Variants in PDS5A observed in about 807,000 individuals in gnomAD.
PDS5A encodes the protein PDS5 cohesin associated factor A, also known as sister chromatid cohesion protein PDS5 homolog A.
Under a neutral mutation model 167.1 loss-of-function variants are expected in PDS5A, and 42 were observed. That is an observed-to-expected ratio of 0.25 (90% CI 0.20 to 0.33). The LOEUF (loss-of-function observed/expected upper bound fraction) is 0.33. Ranked by LOEUF, PDS5A falls within the 10% of genes least tolerant of loss-of-function variation. The probability of loss-of-function intolerance (pLI) is 1.00; values close to 1 mark genes in which losing one functional copy is unlikely to be tolerated. For synonymous variants in PDS5A, 553 were observed against 554.6 expected (o/e 1.00, Z 0.04); for missense variants, 1,033 against 1,605.9 (o/e 0.64, Z 6.10).
At chr4:39,843,936 G>A (rs1251832898) in intron 30 of PDS5A, among the ~76,000 whole-genome samples, 1 of 151,954 alleles carries the variant, frequency 6.6e-6, no homozygotes, top group African/African-American at 2.4e-5. Context: ...CTTGAGCCCA[G>A]GAGATCGAGC....
chr4:39,858,547 T>C (rs1295994209), intron 26 of PDS5A, among the ~76,000 whole-genome samples: 1 of 152,202 alleles, frequency 6.6e-6, no homozygotes, highest in Non-Finnish European at 1.5e-5. Context: ...TTATACCACA[T>C]GCAACAATTA....
In PDS5A at chr4:39,855,645, T is replaced by C. The variant is rs151252132; in HGVS notation, c.3087-5993A>G. Among the ~76,000 whole-genome samples, 797 of 152,102 alleles carry C rather than the reference T, an allele frequency of 5.2e-3. 21 individuals are homozygous for C. The highest frequency in any genetic ancestry group is 0.036 in the East Asian group (184 of 5,164). On this transcript the variant is annotated intron_variant, in intron 26 of 32. Transcript: ENST00000303538. The stretch of plus-strand genomic sequence containing the variant: ...AATACTGATAAAGAGACAGAAATAA[T>C]TAAAAGGAACCAAGTAGGAATTCCA...
chr4:39,873,607 T>TA (rs35583455), intron 20 of PDS5A, among the ~76,000 whole-genome samples: 44,784 of 151,694 alleles, frequency 0.3, 7,015 homozygotes, highest in Middle Eastern at 0.42. Context: ...TCATTATATG[T>TA]AAAAAAAAGG....
chr4:39,890,159 CA>C, intron 17 of PDS5A, 89 bp downstream of exon 17: 1 of 674,656 alleles, frequency 1.5e-6, no homozygotes, highest in East Asian at 2.7e-5. Flanking sequence ...CAGAGGTTTT[CA>C]GGTATCTTTA....
Position 39,882,915 on chromosome 4 carries a change from T to C in PDS5A, c.1887-3082A>G, listed in dbSNP as rs532369520. 4.9e-4 allele frequency among the ~76,000 whole-genome samples: 75 copies of C among 152,270 alleles called. No homozygotes were observed. In the South Asian group the frequency reaches 8.1e-3, roughly 16 times the overall value. ...TATGCTATACAACCACTGTTACAAA[T>C]CTTCACCATTCTAAACGAAGTCTAA... is the stretch of plus-strand genomic sequence containing the variant. On this transcript the variant is annotated intron_variant, in intron 17 of 32. Transcript: ENST00000303538.
At chr4:39,963,314 C>A (rs1729669511) in intron 2 of PDS5A, among the ~76,000 whole-genome samples, 1 of 151,888 alleles carries the variant, frequency 6.6e-6, no homozygotes, top group Non-Finnish European at 1.5e-5. Flanking sequence ...AAAAATTTAG[C>A]CGGGCATGGT....
Position 39,977,435 on chromosome 4 carries a change from G to T in PDS5A, c.-41+22C>A. On this transcript the variant is annotated intron_variant, in intron 1 of 32. Transcript: ENST00000303538. This position sits in a 1 kb window ranked among gnomAD's most constrained non-coding sequence, Gnocchi z 4.2. ...CTCCCTCCAGCAGCCTAGGGCGGGA[G>T]CCGAGCCGCCGCCGCCTTTACCTCC... 6.5e-6 allele frequency: 1 copy of T among 153,604 alleles called. No individual in the cohort carries two copies. The highest frequency in any genetic ancestry group is 1.5e-5 in the Non-Finnish European group (1 of 68,830). 9.5% of individuals were successfully genotyped at this position (153,604 alleles called of 1,614,324 possible). A position where few individuals can be genotyped will look rare whatever the true frequency, so the allele number is the denominator to read the frequency against.
chr4:39,913,662 T>C lies in PDS5A; in HGVS notation c.941A>G (p.Asp314Gly). Residue 314 changes from aspartate (D) to glycine (G), a missense_variant, in exon 9 of 33, where the codon GAT becomes GGT. Physicochemically the swap from Asp to Gly is moderately conservative, Grantham distance 94. Coordinates refer to ENST00000303538, the MANE Select transcript of PDS5A (RefSeq NM_001100399.2). ...RLLAKLFGSK[D>G]SDLATQNRPL... ...ACGATTCTGTGTTGCCAAATCAGAA[T>C]CTTTGGAGCCAAACAATTTAGCTAG... 3.1e-6 allele frequency: 5 copies of C among 1,612,312 alleles called. No homozygotes were observed. The highest frequency in any genetic ancestry group is 4.2e-6 in the Non-Finnish European group (5 of 1,178,430).
chr4:39,827,975 T>C lies in PDS5A; in HGVS notation c.4011-2487A>G, dbSNP rs914766901. On this transcript the variant is annotated intron_variant, in intron 32 of 32. Transcript: ENST00000303538. ...CGGGAACTGTTTGCCCTCTGAATGA[T>C]AGCCTTAACACAAAGAGGAAAAACA... Among the ~76,000 whole-genome samples the C allele has an allele frequency of 3.0e-4, 46 of 152,198 alleles. 1 individual carries two copies. The highest frequency in any genetic ancestry group is 1.9e-4 in the East Asian group (1 of 5,204).
At chr4:39,903,737 T>C (rs1387941741) in intron 12 of PDS5A, among the ~76,000 whole-genome samples, 1 of 152,168 alleles carries the variant, frequency 6.6e-6, no homozygotes, top group Non-Finnish European at 1.5e-5. Context: ...AATGAACCTA[T>C]GTAAGAATAC....
intron 31 of PDS5A, among the ~76,000 whole-genome samples, chr4:39,839,016 A>G (rs1335680648): frequency 6.6e-6 from 1 of 152,128 alleles, no homozygotes; most frequent in Non-Finnish European, 1.5e-5. Flanking sequence ...AATAATAAAA[A>G]TATAAAGCAC....
intron 2 of PDS5A, among the ~76,000 whole-genome samples, chr4:39,952,117 T>G (rs1578812522): frequency 6.6e-6 from 1 of 151,436 alleles, no homozygotes; most frequent in Admixed American, 6.6e-5. Flanking sequence ...ATTACCTGAG[T>G]TCAGGAGTTC....
In PDS5A at chr4:39,823,979, A is replaced by T. The variant is rs945515697; in HGVS notation, c.*1506T>A. The stretch of plus-strand genomic sequence containing the variant: ...CCCATGTACACTACAGCCTATCAAG[A>T]CGAAGTTATAACACAAATGTTGTTT... On this transcript the variant is annotated 3_prime_UTR_variant, in exon 33 of 33. Coordinates refer to ENST00000303538, the MANE Select transcript of PDS5A (RefSeq NM_001100399.2). 5.3e-5 allele frequency: 8 copies of T among 152,304 alleles called. No individual in the cohort carries two copies. In the Middle Eastern group the frequency reaches 0.01, roughly 193 times the overall value. 9.4% of individuals were successfully genotyped at this position (152,304 alleles called of 1,614,324 possible).
chr4:39,863,147 G>T, intron 24 of PDS5A, 74 bp from the exon 25 acceptor site: 1 of 1,172,634 alleles, frequency 8.5e-7, no homozygotes, highest in Non-Finnish European at 1.2e-6. Flanking sequence ...TATTTTTAGT[G>T]TCTTCAATTA....
At chr4:39,968,779 C>CT (rs369361620) in intron 2 of PDS5A, among the ~76,000 whole-genome samples, 34 of 143,840 alleles carry the variant, frequency 2.4e-4, no homozygotes, top group Middle Eastern at 3.9e-3. Flanking sequence ...TATGCTTTTA[C>CT]TTTTTTTTTT....
chr4:39,849,640 G>A lies in PDS5A; in HGVS notation c.3099C>T (p.Phe1033=), dbSNP rs1717943878. Reference sequence around the variant, plus strand: ...TCTTTGTCATTAAAACTTCAAGCATGAACCATAGGCACCTAAATGTAAACA... The same window carrying A: ...TCTTTGTCATTAAAACTTCAAGCATAAACCATAGGCACCTAAATGTAAACA... ...QLRDIKECLW[F]MLEVLMTKNE... The change falls in exon 27 of 33, where the codon TTC becomes TTT. Residue 1033 remains phenylalanine, a synonymous_variant. Transcript: ENST00000303538. 1 of 1,609,332 alleles carries A rather than the reference G, an allele frequency of 6.2e-7. No individual in the cohort carries two copies. The highest frequency in any genetic ancestry group is 8.5e-7 in the Non-Finnish European group (1 of 1,176,092).
In PDS5A at chr4:39,926,759, GT is replaced by G. The variant is rs78652598; in HGVS notation, c.429+15del. Reference sequence around the variant, plus strand: ...TGAAATAATGTTAATAGTTATTAAAGTTTTTTTTTTTTTACCTCTAATAAAT... The same window carrying G: ...TGAAATAATGTTAATAGTTATTAAAGTTTTTTTTTTTTACCTCTAATAAAT... On this transcript the variant is annotated intron_variant, in intron 4 of 32. Transcript: ENST00000303538. 35,605 of 990,494 alleles carry G rather than the reference GT, an allele frequency of 0.036. 8 individuals carry two copies. The highest frequency in any genetic ancestry group is 0.052 in the East Asian group (1,341 of 25,620). The allele number at this position is 990,494 out of a possible 1,614,324, so 61.4% of individuals were successfully genotyped here. A position where few individuals can be genotyped will look rare whatever the true frequency, so the allele number is the denominator to read the frequency against.
intron 31 of PDS5A, among the ~76,000 whole-genome samples, chr4:39,840,668 T>C (rs1017208200): frequency 6.6e-6 from 1 of 152,060 alleles, no homozygotes; most frequent in Non-Finnish European, 1.5e-5. Flanking sequence ...CGTGTTGGAA[T>C]TACAGGTGTG....
At chr4:39,931,317 A>T (rs547567124) in intron 2 of PDS5A, among the ~76,000 whole-genome samples, 440 of 152,020 alleles carry the variant, frequency 2.9e-3, no homozygotes, top group African/African-American at 4.4e-3. Context: ...GGCTAAAAAA[A>T]TTTTTTTTAA....
Sources: allele counts gnomAD v4.1 joint callset (sites outside exome capture counted in the v4.1 genomes callset), GRCh38; gene constraint gnomAD v4.1.1; non-coding constraint Gnocchi (gnomAD v3.1); transcripts MANE v1.5; gene names NCBI Gene and HGNC (gene_info 2026-07-23, HGNC 2026-07-21).